Variants in MIGA2 observed in about 807,000 individuals in gnomAD.
MIGA2 encodes family with sequence similarity 73, member B.
A neutral mutation model predicts 69.9 loss-of-function variants in MIGA2; 36 were observed. The ratio of observed to expected loss-of-function variants is 0.52; its 90% CI spans 0.39 to 0.68. The LOEUF (loss-of-function observed/expected upper bound fraction) is 0.68. MIGA2 is among the 30% of genes least tolerant of loss of function. MIGA2 has a pLI of 0.00. For missense variants in MIGA2, 660 were observed against 787.7 expected, an observed-to-expected ratio of 0.84 and a Z score of 1.94; for synonymous variants, 333 against 349.2, an observed-to-expected ratio of 0.95 and a Z score of 0.52.
chr9:129,040,678 G>T lies in MIGA2; in HGVS notation c.84G>T (p.Thr28=), dbSNP rs146566671. Residue 28 remains threonine (T), a synonymous_variant, in exon 2 of 16, where the codon ACG becomes ACT. Coordinates refer to ENST00000684074, the MANE Select transcript of MIGA2 (RefSeq NM_001329990.2). ...CCGAGATCCCCGTGTTCCTGTACAC[G>T]ACGTTTGGGCAGGTAAGGATCAGGG... The part of the protein sequence containing the change: ...TVAEIPVFLY[T]TFGQSAFSQL... 4 of 1,613,500 alleles carry T rather than the reference G, an allele frequency of 2.5e-6. No individual in the cohort carries two copies. The highest frequency in any genetic ancestry group is 2.7e-5 in the African/African-American group (2 of 74,932).
chr9:129,058,487 TC>T (rs1667475592), intron 6 of MIGA2, among the ~76,000 whole-genome samples: 1 of 150,662 alleles, frequency 6.6e-6, no homozygotes. Flanking sequence ...TCCACAATTT[TC>T]TTTCTTTCTT....
intron 4 of MIGA2, among the ~76,000 whole-genome samples, chr9:129,048,912 A>G (rs1056045027): frequency 5.3e-5 from 8 of 152,132 alleles, no homozygotes; most frequent in Non-Finnish European, 1.2e-4. Flanking sequence ...CTTTTGGTTC[A>G]TTCACTCATC....
rs763744439 is a variant in MIGA2 at position 129,059,237 on chromosome 9, C to T, written c.759C>T (p.Ser253=). ...RAYHLQEEFG[S]TFPADSMLLD... ...ACCACCTGCAGGAGGAGTTCGGCTC[C>T]ACCTTCCCCGCAGACAGCATGCTGC... The change falls in exon 7 of 16, where the codon TCC becomes TCT. Residue 253 remains serine, a synonymous_variant. Transcript: ENST00000684074. The surrounding 1 kb of genome is among the most constrained non-coding windows in gnomAD (Gnocchi z 5.6). The T allele has an allele frequency of 1.3e-6, 2 of 1,596,852 alleles. No individual in the cohort carries two copies. The highest frequency in any genetic ancestry group is 1.7e-4 in the Middle Eastern group (1 of 6,032).
At chr9:129,044,156 G>A (rs1457769484) in intron 3 of MIGA2, among the ~76,000 whole-genome samples, 3 of 151,124 alleles carry the variant, frequency 2.0e-5, no homozygotes, top group African/African-American at 4.9e-5. Context: ...ACCACGCCCG[G>A]CTAATTTTTG....
At chr9:129,040,962 G>A (rs1844872163) in intron 2 of MIGA2, among the ~76,000 whole-genome samples, 1 of 152,074 alleles carries the variant, frequency 6.6e-6, no homozygotes, top group Admixed American at 6.6e-5. Context: ...AGGCCGGGAC[G>A]GGCGGATCAC....
intron 6 of MIGA2, among the ~76,000 whole-genome samples, chr9:129,051,824 A>G (rs538579555): frequency 6.9e-6 from 1 of 144,276 alleles, no homozygotes; most frequent in Non-Finnish European, 1.5e-5. Flanking sequence ...TAATTAATTA[A>G]TTAATTAATT....
At chr9:129,064,501 C>A (rs550745278) in intron 11 of MIGA2, among the ~76,000 whole-genome samples, 2 of 150,910 alleles carry the variant, frequency 1.3e-5, no homozygotes, top group Non-Finnish European at 3.0e-5. Context: ...GCCACCGTGC[C>A]TGGCCTTTTT....
rs1364913987 is a variant in MIGA2 at position 129,068,282 on chromosome 9, G to A, written c.1354G>A (p.Val452Met). 1.9e-6 allele frequency: 3 copies of A among 1,612,140 alleles called. No homozygotes were observed. The highest frequency in any genetic ancestry group is 4.5e-5 in the East Asian group (2 of 44,858). Reference protein sequence around the residue: ...FEDLENPPASVLAVLRNRWLS... With the variant: ...FEDLENPPASMLAVLRNRWLS... ...GGACCTGGAGAACCCTCCGGCCTCG[G>A]TGCTCGCCGTCCTGCGGAACCGCTG... Residue 452 changes from valine to methionine, a missense_variant, in exon 13 of 16, where the codon GTG becomes ATG. This residue lies in a region of MIGA2 where 220 missense variants were observed against 301.7 expected (regional missense o/e 0.73). Transcript: ENST00000684074. The surrounding 1 kb of genome is among the most constrained non-coding windows in gnomAD (Gnocchi z 4.1).
intron 11 of MIGA2, 24 bp downstream of exon 11, chr9:129,063,655 G>GGGGGGGGGGGGGGGGGGGGGC: frequency 1.5e-6 from 1 of 645,734 alleles, no homozygotes; most frequent in Non-Finnish European, 2.9e-6. Context: ...GGGTGGGGGG[G>GGGGGGGGGGGGGGGGGGGGGC]CAAATTATAA....
At chr9:129,054,090 A>G (rs2131367380) in intron 6 of MIGA2, among the ~76,000 whole-genome samples, 1 of 152,310 alleles carries the variant, frequency 6.6e-6, no homozygotes. Context: ...ACAATTGAGT[A>G]GCTTTTGGTA....
At chr9:129,037,146 G>T in intron 1 of MIGA2, 1 of 753,140 alleles carries the variant, frequency 1.3e-6, no homozygotes, top group Non-Finnish European at 1.7e-6. Context: ...CCGGTGCCCG[G>T]CATGGTGGGA....
chr9:129,059,376 A>G lies in MIGA2; in HGVS notation c.793+105A>G, dbSNP rs1372698094. 1.2e-6 allele frequency: 1 copy of G among 838,388 alleles called. No individual in the cohort carries two copies. 51.9% of individuals were successfully genotyped at this position (838,388 alleles called of 1,614,324 possible). A position where few individuals can be genotyped will look rare whatever the true frequency, so the allele number is the denominator to read the frequency against. Reference sequence around the variant, plus strand: ...CGTGGTTCTCTCAGTGCGTCCAATGAATCAGAATCCCCAGGGCTCTCCGAC... The same window carrying G: ...CGTGGTTCTCTCAGTGCGTCCAATGGATCAGAATCCCCAGGGCTCTCCGAC... On this transcript the variant is annotated intron_variant, in intron 7 of 15. Transcript: ENST00000684074. The surrounding 1 kb of genome is among the most constrained non-coding windows in gnomAD (Gnocchi z 5.6).
chr9:129,069,714 T>C lies in MIGA2; in HGVS notation c.1459-135T>C. On this transcript the variant is annotated intron_variant, in intron 14 of 15. Transcript: ENST00000684074. This position sits in a 1 kb window ranked among gnomAD's most constrained non-coding sequence, Gnocchi z 4.9. ...AATGGGCTTCGAAAGCTTGAGTCAC[T>C]GCCCAGGGTCATCTAGCAGGAAAGT... 1.4e-6 allele frequency: 1 copy of C among 730,706 alleles called. No homozygotes were observed. The highest frequency in any genetic ancestry group is 2.5e-6 in the Non-Finnish European group (1 of 403,524). The allele number at this position is 730,706 out of a possible 1,614,324, so 45.3% of individuals were successfully genotyped here.
At chr9:129,066,486 A>T (rs1041329751) in intron 11 of MIGA2, among the ~76,000 whole-genome samples, 1 of 151,766 alleles carries the variant, frequency 6.6e-6, no homozygotes. Context: ...CATCCTGGCT[A>T]GCACAGTGAA....
intron 2 of MIGA2, among the ~76,000 whole-genome samples, chr9:129,041,592 C>T (rs1264373934): frequency 6.6e-6 from 1 of 152,222 alleles, no homozygotes; most frequent in African/African-American, 2.4e-5. Flanking sequence ...ACCTTGGCCT[C>T]CTAAAGTGCT....
intron 6 of MIGA2, among the ~76,000 whole-genome samples, chr9:129,052,802 GA>G (rs1845615162): frequency 6.6e-6 from 1 of 152,134 alleles, no homozygotes; most frequent in Non-Finnish European, 1.5e-5. Context: ...GCTGGGGCGT[GA>G]GCTCAGGATG....
rs528395435 is a variant in MIGA2, at chr9:129,063,226, C to T, written c.1011-18C>T. The T allele has an allele frequency of 9.4e-5, 152 of 1,613,738 alleles. No individual in the cohort carries two copies. The highest frequency in any genetic ancestry group is 9.3e-4 in the South Asian group (85 of 91,078). On this transcript the variant is annotated intron_variant, in intron 9 of 15. Transcript: ENST00000684074. Reference sequence around the variant, plus strand: ...GGGCAGGGACCAGGTTGTGTGACGCCGTCTGTCCTCCCCTCAGGACGGAGC... The same window carrying T: ...GGGCAGGGACCAGGTTGTGTGACGCTGTCTGTCCTCCCCTCAGGACGGAGC...
intron 11 of MIGA2, 24 bp downstream of exon 11, chr9:129,063,655 G>GGGGGGGGGGGGGGGGGGGGGGC: frequency 1.5e-6 from 1 of 645,746 alleles, no homozygotes; most frequent in Non-Finnish European, 2.9e-6. Flanking sequence ...GGGTGGGGGG[G>GGGGGGGGGGGGGGGGGGGGGGC]CAAATTATAA....
rs1356084464 is a variant in MIGA2, at chr9:129,071,004, C to A, written c.*551C>A. On this transcript the variant is annotated 3_prime_UTR_variant, in exon 16 of 16. Coordinates refer to ENST00000684074, the MANE Select transcript of MIGA2 (RefSeq NM_001329990.2). ...CATCCAGAGATGGGGCAGAGGTGGG[C>A]CTCCCACTCCTGTGCTCTCTTCTGA... 1 of 153,766 alleles carries A rather than the reference C, an allele frequency of 6.5e-6. No individual in the cohort carries two copies. Among genetic ancestry groups the A allele is most frequent in the Non-Finnish European group, 1.5e-5 (1 of 68,918 alleles). The allele number at this position is 153,766 out of a possible 1,614,324, so 9.5% of individuals were successfully genotyped here. A position where few individuals can be genotyped will look rare whatever the true frequency, so the allele number is the denominator to read the frequency against.
Sources: gnomAD v4.1 joint callset for allele counts (sites outside exome capture counted in the v4.1 genomes callset) on GRCh38, gnomAD v4.1.1 for gene constraint, gnomAD v4.1.1 regional missense constraint, Gnocchi (gnomAD v3.1) non-coding constraint, MANE v1.5 for transcripts, NCBI Gene and HGNC (gene_info 2026-07-23, HGNC 2026-07-21) for gene names.